CSMD2: variants seen among roughly 807,000 people sequenced by gnomAD.
CSMD2 encodes CUB and Sushi multiple domains 2.
CSMD2 carries 130 observed loss-of-function variants against 398.5 expected under a neutral mutation model. The ratio of observed to expected loss-of-function variants is 0.33; its 90% CI spans 0.28 to 0.38. The LOEUF is 0.38. CSMD2 is among the 10% of genes least tolerant of loss of function. CSMD2 has a pLI of 1.00. For missense variants in CSMD2, 3,829 were observed against 4,764.9 expected, an observed-to-expected ratio of 0.80 and a Z score of 5.78; for synonymous variants, 1,828 against 1,908.5, an observed-to-expected ratio of 0.96 and a Z score of 1.10.
intron 40 of CSMD2, among the ~76,000 whole-genome samples, chr1:33,613,569 C>T (rs538003962): frequency 6.6e-6 from 1 of 152,312 alleles, no homozygotes; most frequent in Non-Finnish European, 1.5e-5. Flanking sequence ...TTAGAGAAGG[C>T]CAGTTAGACT....
rs1293571256 is a variant in CSMD2, at chr1:33,537,465, G to A, written c.9776C>T (p.Thr3259Ile). The A allele has an allele frequency of 5.6e-6, 9 of 1,613,966 alleles. No homozygotes were observed. The highest frequency in any genetic ancestry group is 1.1e-5 in the South Asian group (1 of 91,046). The part of the protein sequence containing the change: ...SPRRFCQSDG[T>I]WSGTQPSCID... ...GCAGCTGGGCTGGGTGCCACTCCAT[G>A]TCCCATCTGACTGGCAAAACCTGCG... Residue 3259 changes from threonine to isoleucine, a missense_variant, in exon 61 of 71, where the codon ACA (threonine) becomes ATA (isoleucine). Thr to Ile is a moderately conservative substitution (Grantham distance 89, BLOSUM62 -1). This residue lies in a region of CSMD2 where 917 missense variants were observed against 1,199.5 expected (regional missense o/e 0.76). Coordinates refer to ENST00000373381, the MANE Select transcript of CSMD2 (RefSeq NM_001281956.2). The surrounding 1 kb of genome is among the most constrained non-coding windows in gnomAD (Gnocchi z 4.6).
chr1:33,979,774 G>A lies in CSMD2; in HGVS notation c.518-43820C>T, dbSNP rs1175223212. 3.3e-5 allele frequency among the ~76,000 whole-genome samples: 5 copies of A among 152,240 alleles called. No homozygotes were observed. The East Asian group carries it at 7.7e-4, about 24-fold the overall frequency. On this transcript the variant is annotated intron_variant, in intron 3 of 70. Transcript: ENST00000373381. ...GGATGTCTCAGACTATGATGCAGGGGTTAAGAGCAGGGACCCCAGAGCCCA... is the reference window on the plus strand; with the variant it reads ...GGATGTCTCAGACTATGATGCAGGGATTAAGAGCAGGGACCCCAGAGCCCA...
intron 21 of CSMD2, among the ~76,000 whole-genome samples, chr1:33,714,332 A>T (rs1392767879): frequency 6.6e-6 from 1 of 152,134 alleles, no homozygotes; most frequent in Non-Finnish European, 1.5e-5. Context: ...CCCACTGTGG[A>T]CCTAATTTGT....
intron 5 of CSMD2, among the ~76,000 whole-genome samples, chr1:33,851,402 T>C (rs149770095): frequency 1.3e-5 from 2 of 152,264 alleles, no homozygotes; most frequent in South Asian, 2.1e-4. Context: ...GAAGCACTTC[T>C]GCATCCCAGT....
chr1:34,020,282 T>G (rs1351839665), intron 3 of CSMD2, among the ~76,000 whole-genome samples: 1 of 152,196 alleles, frequency 6.6e-6, no homozygotes, highest in Non-Finnish European at 1.5e-5. Context: ...CCCTGTCCCC[T>G]CCACTTCCCA....
intron 32 of CSMD2, among the ~76,000 whole-genome samples, chr1:33,631,347 A>G (rs79611907): frequency 2.0e-5 from 3 of 152,230 alleles, no homozygotes; most frequent in Non-Finnish European, 4.4e-5. Flanking sequence ...AATATACCTG[A>G]ATAGACCAAT....
chr1:33,643,889 TGAAGGAAGGAAGGAAG>T lies in CSMD2; in HGVS notation c.4774+2743_4774+2758del, dbSNP rs3078758. 8.0e-3 allele frequency among the ~76,000 whole-genome samples: 1,145 copies of T among 142,906 alleles called. 21 individuals carry two copies. The highest frequency in any genetic ancestry group is 0.027 in the African/African-American group (1,033 of 38,066). 93.8% of individuals were successfully genotyped at this position (142,906 alleles called of 152,430 possible). On this transcript the variant is annotated intron_variant, in intron 29 of 70. Coordinates refer to ENST00000373381, the MANE Select transcript of CSMD2 (RefSeq NM_001281956.2). Reference sequence around the variant, plus strand: ...TATTAGGAGGTGTGTAGTCTGGGAATGAAGGAAGGAAGGAAGGAAGGAAGGAAGGAAGGAAGGAAGG... The same window carrying T: ...TATTAGGAGGTGTGTAGTCTGGGAATGAAGGAAGGAAGGAAGGAAGGAAGG...
chr1:33,825,728 G>A lies in CSMD2; in HGVS notation c.1080C>T (p.Pro360=). The A allele has an allele frequency of 1.1e-5, 17 of 1,613,852 alleles. No individual in the cohort carries two copies. Among genetic ancestry groups the A allele is most frequent in the Non-Finnish European group, 1.4e-5 (16 of 1,179,914 alleles). ...ACGTCTTCTGGCTGTTGTCTTTGCT[G>A]GGCATCAGCTTCACACCTCGAGACT... is the stretch of plus-strand genomic sequence containing the variant. ...ELKSRGVKLM[P]SKDNSQKTSV... Residue 360 remains proline (P), a synonymous_variant, in exon 7 of 71, where the codon CCC becomes CCT. Coordinates refer to ENST00000373381, the MANE Select transcript of CSMD2 (RefSeq NM_001281956.2).
At chr1:34,067,162 A>C (rs1422497439) in intron 2 of CSMD2, among the ~76,000 whole-genome samples, 1 of 152,176 alleles carries the variant, frequency 6.6e-6, no homozygotes, top group African/African-American at 2.4e-5. Context: ...AATGACTCAC[A>C]GCTCTGGGTA....
rs529543395 is a variant in CSMD2, at chr1:34,051,197, C to A, written c.405-18491G>T. On this transcript the variant is annotated intron_variant, in intron 2 of 70. Coordinates refer to ENST00000373381, the MANE Select transcript of CSMD2 (RefSeq NM_001281956.2). ...CCTATGATTAAGATCAATGAAAAAC[C>A]AGAACAACTCAATCCAGGCAGGACT... Among the ~76,000 whole-genome samples the A allele has an allele frequency of 6.6e-5, 10 of 152,288 alleles. No homozygotes were observed. In the South Asian group the frequency reaches 1.9e-3, roughly 28 times the overall value.
intron 4 of CSMD2, among the ~76,000 whole-genome samples, chr1:33,925,364 G>T (rs1644091162): frequency 6.6e-6 from 1 of 152,042 alleles, no homozygotes; most frequent in Non-Finnish European, 1.5e-5. Context: ...GTAAGTATAT[G>T]AATTTATTTC....
intron 1 of CSMD2, among the ~76,000 whole-genome samples, chr1:34,134,052 CAAAAAAAAAAA>C (rs59062675): frequency 2.3e-5 from 2 of 85,232 alleles, no homozygotes; most frequent in African/African-American, 1.0e-4. Flanking sequence ...GACTCTGTCT[CAAAAAAAAAAA>C]AAAAAAAAAA....
At position 34,164,926 on chromosome 1, in the gene CSMD2, C is replaced by T. The variant is rs1486706292; in HGVS notation, c.172G>A (p.Val58Ile). ...LLLLGCGLLSVSAAAGQNCTF... is the reference protein window; with the variant it reads ...LLLLGCGLLSISAAAGQNCTF... ...CTGGACTCACCCGCGGCGGCCGAGA[C>T]GCTGAGCAACCCACAGCCCAGCAAC... is the stretch of plus-strand genomic sequence containing the variant. Residue 58 changes from valine to isoleucine, a missense_variant, in exon 1 of 71, where the codon GTC (valine) becomes ATC (isoleucine). Val to Ile is a conservative substitution (Grantham distance 29, BLOSUM62 3). Transcript: ENST00000373381. This position sits in a 1 kb window ranked among gnomAD's most constrained non-coding sequence, Gnocchi z 6.2. 6 of 1,219,678 alleles carry T rather than the reference C, an allele frequency of 4.9e-6. No individual in the cohort carries two copies. Among genetic ancestry groups the T allele is most frequent in the Non-Finnish European group, 6.1e-6 (6 of 980,236 alleles). The allele number at this position is 1,219,678 out of a possible 1,614,324, so 75.6% of individuals were successfully genotyped here. A position where few individuals can be genotyped will look rare whatever the true frequency, so the allele number is the denominator to read the frequency against.
intron 1 of CSMD2, among the ~76,000 whole-genome samples, chr1:34,117,390 C>G (rs372252962): frequency 2.6e-5 from 4 of 152,076 alleles, no homozygotes; most frequent in African/African-American, 9.6e-5. Context: ...AACATATAAC[C>G]TACCAAGACT....
chr1:33,602,460 C>T lies in CSMD2; in HGVS notation c.6619G>A (p.Val2207Ile). Reference sequence around the variant, plus strand: ...CCAATGGGCACGGTGATCAGCCAGACACAGTCCTGGGAGCTGGAGTACGGG... The same window carrying T: ...CCAATGGGCACGGTGATCAGCCAGATACAGTCCTGGGAGCTGGAGTACGGG... ...PSPYSSSQDC[V>I]WLITVPIGHG... The change falls in exon 43 of 71, where the codon GTC (valine) becomes ATC (isoleucine). Residue 2207 changes from valine to isoleucine, a missense_variant. Around this residue, in one of 5 missense-constraint regions of CSMD2, gnomAD observed 723 missense variants for 758.6 expected, o/e 0.95. Coordinates refer to ENST00000373381, the MANE Select transcript of CSMD2 (RefSeq NM_001281956.2). 6.2e-7 allele frequency: 1 copy of T among 1,614,008 alleles called. No individual in the cohort carries two copies. Among genetic ancestry groups the T allele is most frequent in the East Asian group, 2.2e-5 (1 of 44,880 alleles).
chr1:33,962,031 G>A (rs1259092221), intron 3 of CSMD2, among the ~76,000 whole-genome samples: 1 of 152,194 alleles, frequency 6.6e-6, no homozygotes, highest in African/African-American at 2.4e-5. Flanking sequence ...CACAGACACT[G>A]GCACCTAGTA....
At chr1:33,707,691 GCGCGCACACACACACACA>G (rs1238929293) in intron 22 of CSMD2, among the ~76,000 whole-genome samples, 1,603 of 56,862 alleles carry the variant, frequency 0.028, 38 homozygotes, top group African/African-American at 0.071. Context: ...ACACGCGCGC[GCGCGCACACACACACACA>G]CACACACACA....
rs575157648 is a variant in CSMD2 at position 33,596,395 on chromosome 1, C to T, written c.6856+4470G>A. On this transcript the variant is annotated intron_variant, in intron 44 of 70. Coordinates refer to ENST00000373381, the MANE Select transcript of CSMD2 (RefSeq NM_001281956.2). ...AGCCCATCAGTGTGGCTCCCCCTGACACCCCGGCCTGGGCTACAATGGTTC... is the reference window on the plus strand; with the variant it reads ...AGCCCATCAGTGTGGCTCCCCCTGATACCCCGGCCTGGGCTACAATGGTTC... 4.0e-4 allele frequency among the ~76,000 whole-genome samples: 61 copies of T among 152,314 alleles called. No individual in the cohort carries two copies. In the South Asian group the frequency reaches 4.4e-3, roughly 11 times the overall value.
intron 29 of CSMD2, among the ~76,000 whole-genome samples, chr1:33,641,179 T>G (rs963294862): frequency 1.3e-5 from 2 of 152,204 alleles, no homozygotes; most frequent in Non-Finnish European, 2.9e-5. Flanking sequence ...TTTCCTAACT[T>G]CTTATGCTTC....
Sources: allele counts gnomAD v4.1 joint callset (sites outside exome capture counted in the v4.1 genomes callset), GRCh38; gene constraint gnomAD v4.1.1; regional missense constraint gnomAD v4.1.1; non-coding constraint Gnocchi (gnomAD v3.1); transcripts MANE v1.5; gene names NCBI Gene and HGNC (gene_info 2026-07-23, HGNC 2026-07-21).